TRMT2B: variants seen among roughly 807,000 people sequenced by gnomAD.
The protein encoded by TRMT2B is tRNA methyltransferase 2B.
TRMT2B carries 34 observed loss-of-function variants against 39.7 expected under a neutral mutation model. The observed-to-expected ratio is 0.86, with a 90% confidence interval of 0.65 to 1.14. The LOEUF (loss-of-function observed/expected upper bound fraction) is 1.14, where lower values mean the gene tolerates loss of function less well. TRMT2B is among the 50% of genes most tolerant of loss of function. The pLI, the probability that TRMT2B is intolerant of heterozygous loss-of-function variation, is 0.00. For missense variants in TRMT2B, 318 were observed against 377.2 expected, an observed-to-expected ratio of 0.84 and a Z score of 1.30; for synonymous variants, 132 against 137.3, an observed-to-expected ratio of 0.96 and a Z score of 0.27.
At chrX:100,990,621 A>G in the TRMT2B span, 3 of 1,126,894 alleles carry the variant, frequency 2.7e-6, no homozygotes, top group Non-Finnish European at 3.6e-6. Context: ...GCATCCATTG[A>G]GAATGAAGAC....
chrX:100,986,713 C>G, the TRMT2B span: 2 of 602,739 alleles, frequency 3.3e-6, no homozygotes, highest in Non-Finnish European at 5.2e-6. Context: ...TTCTCCTCCT[C>G]TTTCCCTTCT....
At chrX:100,993,705 A>G in the TRMT2B span, among the ~76,000 whole-genome samples, 1 of 112,082 alleles carries the variant, frequency 8.9e-6, no homozygotes, top group Non-Finnish European at 1.9e-5. Flanking sequence ...GAATCTATCA[A>G]TCACAAAAAG....
chrX:101,034,763 G>A (rs2087731782), intron 7 of TRMT2B, among the ~76,000 whole-genome samples: 1 of 111,707 alleles, frequency 9.0e-6, no homozygotes, highest in African/African-American at 3.2e-5. Context: ...CAGGCGCAGT[G>A]GCTCACACCT....
At chrX:101,031,846 T>C (rs1247759075) in intron 7 of TRMT2B, among the ~76,000 whole-genome samples, 1 of 110,231 alleles carries the variant, frequency 9.1e-6, no homozygotes, top group Non-Finnish European at 1.9e-5. Flanking sequence ...TAGAGACAAA[T>C]TCAATAAAGC....
At chrX:101,014,977 C>T (rs1477015495) in intron 13 of TRMT2B, among the ~76,000 whole-genome samples, 1 of 109,660 alleles carries the variant, frequency 9.1e-6, no homozygotes, top group African/African-American at 3.3e-5. Context: ...AAAACCTCAT[C>T]TCTTTAGAAA....
intron 2 of TRMT2B, among the ~76,000 whole-genome samples, chrX:101,045,196 T>G (rs746612438): frequency 3.6e-5 from 4 of 110,285 alleles, no homozygotes; most frequent in African/African-American, 1.3e-4. Context: ...GGCTCACACC[T>G]GTAATCCCAG....
At chrX:101,017,691 T>A (rs1047764356) in intron 13 of TRMT2B, among the ~76,000 whole-genome samples, 6 of 111,751 alleles carry the variant, frequency 5.4e-5, no homozygotes, top group African/African-American at 1.9e-4. Context: ...CAAAATTTAA[T>A]AGGGTGCCAA....
chrX:101,010,769 A>G lies in TRMT2B; in HGVS notation c.1389-62T>C, dbSNP rs2086212923. ...AAAAGGAAGAACCCACAGGAATACA[A>G]TTGCCTAAAATAGAGGCCCTTCCAC... On this transcript the variant is annotated intron_variant, in intron 13 of 13. Coordinates refer to ENST00000372936, the MANE Select transcript of TRMT2B (RefSeq NM_024917.6). The G allele has an allele frequency of 3.6e-6, 4 of 1,117,647 alleles. No homozygotes were observed. The East Asian group carries it at 1.2e-4, about 34-fold the overall frequency. The allele number at this position is 1,117,647 out of a possible 1,213,427, so 92.1% of individuals were successfully genotyped here. A position where few individuals can be genotyped will look rare whatever the true frequency, so the allele number is the denominator to read the frequency against.
chrX:100,991,965 A>G, the TRMT2B span, among the ~76,000 whole-genome samples: 5 of 111,232 alleles, frequency 4.5e-5, no homozygotes, highest in African/African-American at 1.3e-4. Context: ...ATTAATGGAT[A>G]CATATATACA....
At chrX:101,046,426 A>G (rs2088676516) in intron 2 of TRMT2B, among the ~76,000 whole-genome samples, 1 of 111,294 alleles carries the variant, frequency 9.0e-6, no homozygotes, top group African/African-American at 3.3e-5. Flanking sequence ...CAGTGGGGAC[A>G]TATGAAGGCT....
chrX:100,987,934 A>G, the TRMT2B span, among the ~76,000 whole-genome samples: 6 of 112,044 alleles, frequency 5.4e-5, no homozygotes, highest in Non-Finnish European at 9.4e-5. Context: ...CCTACTCAAT[A>G]TTCTCAGCCT....
the TRMT2B span, among the ~76,000 whole-genome samples, chrX:100,973,409 G>A: frequency 1.9e-5 from 2 of 104,072 alleles, no homozygotes; most frequent in Non-Finnish European, 2.0e-5. Flanking sequence ...CGCTCCTCCA[G>A]CCGCTGCCTC....
At chrX:100,982,423 C>T in the TRMT2B span, among the ~76,000 whole-genome samples, 1 of 109,467 alleles carries the variant, frequency 9.1e-6, no homozygotes, top group Non-Finnish European at 1.9e-5. Context: ...ACTCGGGAGG[C>T]AAAGGGTGTA....
chrX:101,029,998 A>G (rs746889278), intron 7 of TRMT2B, among the ~76,000 whole-genome samples: 10 of 111,758 alleles, frequency 8.9e-5, no homozygotes, highest in Non-Finnish European at 1.5e-4. Context: ...AGTGGCTCAC[A>G]CTTGTAATCC....
intron 7 of TRMT2B, among the ~76,000 whole-genome samples, chrX:101,033,267 A>AG (rs1398579276): frequency 1.9e-5 from 2 of 107,903 alleles, no homozygotes; most frequent in Non-Finnish European, 1.9e-5. Context: ...AAAAAAAAAA[A>AG]AAAGAAAGAA....
chrX:101,035,919 C>T (rs1046738911), intron 6 of TRMT2B, among the ~76,000 whole-genome samples: 1 of 111,572 alleles, frequency 9.0e-6, no homozygotes, highest in Non-Finnish European at 1.9e-5. Flanking sequence ...CACTATATGA[C>T]GTCTGTTTTC....
the TRMT2B span, among the ~76,000 whole-genome samples, chrX:100,994,960 T>C: frequency 3.6e-5 from 4 of 111,549 alleles, no homozygotes; most frequent in Admixed American, 1.9e-4. Context: ...AATATTGTTC[T>C]TTCCTCTCAA....
intron 7 of TRMT2B, among the ~76,000 whole-genome samples, chrX:101,028,408 T>C (rs924978752): frequency 9.0e-6 from 1 of 111,216 alleles, no homozygotes; most frequent in Non-Finnish European, 1.9e-5. Context: ...CGTGAGCCAC[T>C]GCGCCCAGCC....
Position 101,011,225 on chromosome X carries a change from G to A in TRMT2B, c.1389-518C>T, listed in dbSNP as rs145699378. On this transcript the variant is annotated intron_variant, in intron 13 of 13. Transcript: ENST00000372936. ...AGAGCATACTTACAAATATCTAGAT[G>A]ACAGAGCCTACTACACATCTAGGCT... 4.0e-4 allele frequency among the ~76,000 whole-genome samples: 45 copies of A among 111,577 alleles called. No individual in the cohort carries two copies. The East Asian group carries it at 0.011, about 27-fold the overall frequency.
Sources: gnomAD v4.1 joint callset for allele counts (sites outside exome capture counted in the v4.1 genomes callset) on GRCh38, gnomAD v4.1.1 for gene constraint, MANE v1.5 for transcripts, NCBI Gene and HGNC (gene_info 2026-07-23, HGNC 2026-07-21) for gene names.